RNF31: variants seen among roughly 807,000 people sequenced by gnomAD.
RNF31 encodes the protein E3 ubiquitin-protein ligase RNF31.
In RNF31, 38 loss-of-function variants were observed where a neutral mutation model predicts 133.6. The observed-to-expected ratio is 0.28, with a 90% CI of 0.22 to 0.37. RNF31 has a LOEUF of 0.37. RNF31 is among the 10% of genes least tolerant of loss of function. The probability of loss-of-function intolerance (pLI) is 1.00; values close to 1 mark genes in which losing one functional copy is unlikely to be tolerated. For missense variants in RNF31, 1,118 were observed against 1,394.1 expected (o/e 0.80, Z 3.15); for synonymous variants, 582 against 552.3 (o/e 1.05, Z -0.75).
chr14:24,157,710 G>A (rs981724524), intron 16 of RNF31, 72 bp downstream of exon 16: 5 of 1,347,062 alleles, frequency 3.7e-6, no homozygotes, highest in Non-Finnish European at 5.3e-6. Flanking sequence ...AGAGGCTATT[G>A]AGGAGTGGCC....
At position 24,148,086 on chromosome 14, in the gene RNF31, T is replaced by C. The variant is rs764621125; in HGVS notation, c.303T>C (p.Asn101=). Residue 101 remains asparagine, a synonymous_variant, in exon 2 of 21, where the codon AAT becomes AAC. Coordinates refer to ENST00000324103, the MANE Select transcript of RNF31 (RefSeq NM_017999.5). ...RPRYWRGVKF[N]NPVFRSTVDA... is the part of the protein sequence containing the mutation. The stretch of plus-strand genomic sequence containing the variant: ...GGTACTGGCGTGGTGTCAAGTTTAA[T>C]AACCCTGTCTTTCGCAGCACGGTGG... 6.2e-7 allele frequency: 1 copy of C among 1,614,246 alleles called. No individual in the cohort carries two copies. The highest frequency in any genetic ancestry group is 1.1e-5 in the South Asian group (1 of 91,088).
chr14:24,150,468 C>T lies in RNF31; in HGVS notation c.1197+20C>T. The T allele has an allele frequency of 6.3e-7, 1 of 1,596,928 alleles. No homozygotes were observed. Among genetic ancestry groups the T allele is most frequent in the Non-Finnish European group, 8.6e-7 (1 of 1,168,980 alleles). The stretch of plus-strand genomic sequence containing the variant: ...CTTCAGGTAACTGGCCTTCCCAGCT[C>T]TTTATCGTGTGTTACCTCAGGCATT... On this transcript the variant is annotated intron_variant, in intron 7 of 20. Transcript: ENST00000324103.
chr14:24,157,368 C>T lies in RNF31; in HGVS notation c.2572C>T (p.Gln858Ter). The stretch of plus-strand genomic sequence containing the variant: ...CATGAACGACCCAGAATACCAGGCC[C>T]AGGGCCTAGCAATGTATCTTCAGGA... ...KRMNDPEYQAQGLAMYLQENG... is the reference protein window; with the variant it reads ...KRMNDPEYQA The change falls in exon 15 of 21, where the codon CAG (glutamine) becomes TAG (stop). Residue 858 changes from glutamine (Q) to a stop codon, truncating the protein, a stop_gained. Coordinates refer to ENST00000324103, the MANE Select transcript of RNF31 (RefSeq NM_017999.5). LOFTEE classifies it high-confidence loss of function. The T allele has an allele frequency of 6.2e-7, 1 of 1,611,976 alleles. No individual in the cohort carries two copies. The highest frequency in any genetic ancestry group is 8.5e-7 in the Non-Finnish European group (1 of 1,178,270).
rs1336817943 is a variant in RNF31 at position 24,147,592 on chromosome 14, G to C, written c.-107G>C. 6.8e-6 allele frequency: 7 copies of C among 1,026,402 alleles called. No homozygotes were observed. Among genetic ancestry groups the C allele is most frequent in the African/African-American group, 3.4e-5 (2 of 58,616 alleles). 63.6% of individuals were successfully genotyped at this position (1,026,402 alleles called of 1,614,324 possible). On this transcript the variant is annotated 5_prime_UTR_variant, in exon 1 of 21. Transcript: ENST00000324103. Reference sequence around the variant, plus strand: ...ACCTGGGGCGGCTGCGTGGGCCGGGGTGGGCCTCAAAGCCGGGCACCAGAC... The same window carrying C: ...ACCTGGGGCGGCTGCGTGGGCCGGGCTGGGCCTCAAAGCCGGGCACCAGAC...
At position 24,158,162 on chromosome 14, in the gene RNF31, TA is replaced by T; in HGVS notation, c.2863del (p.Thr955GlnfsTer17). On this transcript the variant is annotated frameshift_variant, in exon 18 of 21. Coordinates refer to ENST00000324103, the MANE Select transcript of RNF31 (RefSeq NM_017999.5). LOFTEE classifies it high-confidence loss of function. ...LLQDNNVMFNTEPPAGARAVP... is the reference protein window; with the variant it reads ...LLQDNNVMFNXEPPAGARAVP... ...CTCAGGACAATAACGTCATGTTTAA[TA>T]CAGAGCCTCCAGCTGGGGCCCGGGC... The T allele has an allele frequency of 6.2e-7, 1 of 1,614,226 alleles. No individual in the cohort carries two copies.
intron 14 of RNF31, among the ~76,000 whole-genome samples, chr14:24,156,065 T>C (rs1041657750): frequency 6.6e-6 from 1 of 152,126 alleles, no homozygotes; most frequent in African/African-American, 2.4e-5. Flanking sequence ...GGCCTAAACA[T>C]TAAAAAGAAG....
In RNF31 at chr14:24,151,371, C is replaced by G. The variant is rs755821957; in HGVS notation, c.1729C>G (p.Arg577Gly). The G allele has an allele frequency of 6.2e-7, 1 of 1,613,976 alleles. No individual in the cohort carries two copies. The highest frequency in any genetic ancestry group is 8.5e-7 in the Non-Finnish European group (1 of 1,180,018). Residue 577 changes from arginine to glycine, a missense_variant, in exon 9 of 21, where the codon CGA (arginine) becomes GGA (glycine). Physicochemically the swap from Arg to Gly is moderately radical, Grantham distance 125. Around this residue, in one of 3 missense-constraint regions of RNF31, gnomAD observed 747 missense variants for 827.9 expected, o/e 0.90. Transcript: ENST00000324103. This position sits in a 1 kb window ranked among gnomAD's most constrained non-coding sequence, Gnocchi z 5.3. ...EAVEECVRTR[R>G]RKVQELQSLG... The stretch of plus-strand genomic sequence containing the variant: ...TGTGGAGGAGTGTGTGAGGACCAGG[C>G]GAAGGAAGGTATCAGCTGTGCTGGA...
At position 24,147,801 on chromosome 14, in the gene RNF31, C is replaced by G. The variant is rs760909328; in HGVS notation, c.103C>G (p.Arg35Gly). 1.3e-6 allele frequency: 2 copies of G among 1,597,570 alleles called. No homozygotes were observed. Among genetic ancestry groups the G allele is most frequent in the Admixed American group, 1.7e-5 (1 of 57,794 alleles). The change falls in exon 1 of 21, where the codon CGG becomes GGG. Residue 35 changes from arginine to glycine, a missense_variant. Physicochemically the swap from Arg to Gly is moderately radical, Grantham distance 125 (BLOSUM62 -2). This residue lies in a region of RNF31 where 747 missense variants were observed against 827.9 expected (regional missense o/e 0.90). Transcript: ENST00000324103. Reference protein sequence around the residue: ...SGQAFSLEQLRPLLASSLPLA... With the variant: ...SGQAFSLEQLGPLLASSLPLA... ...GCAGGCGTTTTCCCTGGAGCAGCTC[C>G]GGCCGCTACTAGCCAGCTCTCTGCC...
At position 24,148,806 on chromosome 14, in the gene RNF31, G is replaced by A. The variant is rs1031920493; in HGVS notation, c.561G>A (p.Leu187=). ...LLEDKVEDDM[L]QLSEFDPLLR... The stretch of plus-strand genomic sequence containing the variant: ...CCCTGCCCTTTCTTTTTCAGATGCT[G>A]CAGCTTTCAGAATTTGACCCCCTAT... The change falls in exon 5 of 21, where the codon CTG becomes CTA. Residue 187 remains leucine, a synonymous_variant. Coordinates refer to ENST00000324103, the MANE Select transcript of RNF31 (RefSeq NM_017999.5). 6.2e-6 allele frequency: 10 copies of A among 1,614,146 alleles called. No homozygotes were observed. The highest frequency in any genetic ancestry group is 8.5e-6 in the Non-Finnish European group (10 of 1,180,026).
rs201544567 is a variant in RNF31 at position 24,151,816 on chromosome 14, G to A, written c.1954G>A (p.Ala652Thr). The change falls in exon 11 of 21, where the codon GCA becomes ACA. Residue 652 changes from alanine (A) to threonine (T), a missense_variant. Around this residue, in one of 3 missense-constraint regions of RNF31, gnomAD observed 201 missense variants for 371.7 expected, o/e 0.54. Transcript: ENST00000324103. This position sits in a 1 kb window ranked among gnomAD's most constrained non-coding sequence, Gnocchi z 5.3. ...SLVRRLLAVY[A>T]LPSWGRAELA... is the part of the protein sequence containing the mutation. Reference sequence around the variant, plus strand: ...GGTCAGGCGGCTTTTGGCAGTCTACGCACTCCCCAGCTGGGGCCGGGCAGA... The same window carrying A: ...GGTCAGGCGGCTTTTGGCAGTCTACACACTCCCCAGCTGGGGCCGGGCAGA... 5.5e-5 allele frequency: 88 copies of A among 1,613,036 alleles called. No homozygotes were observed. Among genetic ancestry groups the A allele is most frequent in the Middle Eastern group, 1.6e-4 (1 of 6,074 alleles).
Position 24,148,673 on chromosome 14 carries a change from AGCT to A in RNF31, c.529_531del (p.Leu178del). Reference sequence around the variant, plus strand: ...CATCCAAGACAGCAGGCACTGGAGCAGCTGTTGGAAGACAAGGTTGAAGATGAT... The same window carrying A: ...CATCCAAGACAGCAGGCACTGGAGCAGTTGGAAGACAAGGTTGAAGATGAT... On this transcript the variant is annotated inframe_deletion, in exon 4 of 21. Coordinates refer to ENST00000324103, the MANE Select transcript of RNF31 (RefSeq NM_017999.5). 6.2e-7 allele frequency: 1 copy of A among 1,614,228 alleles called. No homozygotes were observed. The highest frequency in any genetic ancestry group is 8.5e-7 in the Non-Finnish European group (1 of 1,180,038).
intron 5 of RNF31, 63 bp from the exon 6 acceptor site, chr14:24,149,343 A>C: frequency 1.3e-6 from 2 of 1,513,844 alleles, no homozygotes; most frequent in Non-Finnish European, 1.8e-6. Context: ...GCCCCCATCC[A>C]CAGCAGATTC....
chr14:24,157,289 G>A lies in RNF31; in HGVS notation c.2494-1G>A. ...TGTGAAGCCTACTTTCCCTCTGGCA[G>A]TGGGAGGAGCAGCACCGAGGTCGGA... On this transcript the variant is annotated splice_acceptor_variant, in intron 14 of 20. Coordinates refer to ENST00000324103, the MANE Select transcript of RNF31 (RefSeq NM_017999.5). LOFTEE classifies it high-confidence loss of function. 6.3e-7 allele frequency: 1 copy of A among 1,599,388 alleles called. No homozygotes were observed. The highest frequency in any genetic ancestry group is 8.5e-7 in the Non-Finnish European group (1 of 1,170,122).
In RNF31 at chr14:24,150,083, C is replaced by T. The variant is rs772700984; in HGVS notation, c.832C>T (p.Arg278Trp). Residue 278 changes from arginine (R) to tryptophan (W), a missense_variant, in exon 7 of 21, where the codon CGG becomes TGG. By Grantham distance (101) the Arg-to-Trp change is moderately radical. Transcript: ENST00000324103. ...CAGTTTACCTGCCTCAGCCCAACCA[C>T]GGCCCCAGTCGACCTCCCTGCTGGC... ...SPSLPASAQP[R>W]PQSTSLLALG... 34 of 1,590,136 alleles carry T rather than the reference C, an allele frequency of 2.1e-5. No homozygotes were observed. The highest frequency in any genetic ancestry group is 1.5e-4 in the Admixed American group (9 of 58,972).
At chr14:24,159,333 CA>C (rs2038403585) in intron 18 of RNF31, among the ~76,000 whole-genome samples, 1 of 111,502 alleles carries the variant, frequency 9.0e-6, no homozygotes, top group Non-Finnish European at 1.7e-5. Flanking sequence ...GCCTGGGCAA[CA>C]AGAGTGAAAC....
At position 24,147,611 on chromosome 14, in the gene RNF31, A is replaced by T; in HGVS notation, c.-88A>T. On this transcript the variant is annotated 5_prime_UTR_variant, in exon 1 of 21. Coordinates refer to ENST00000324103, the MANE Select transcript of RNF31 (RefSeq NM_017999.5). ...GCCGGGGTGGGCCTCAAAGCCGGGCACCAGACGGGAGGGGCGGCGCTCGGG... is the reference window on the plus strand; with the variant it reads ...GCCGGGGTGGGCCTCAAAGCCGGGCTCCAGACGGGAGGGGCGGCGCTCGGG... The T allele has an allele frequency of 4.9e-6, 6 of 1,229,350 alleles. No individual in the cohort carries two copies. Among genetic ancestry groups the T allele is most frequent in the Non-Finnish European group, 5.3e-6 (5 of 948,772 alleles). 76.2% of individuals were successfully genotyped at this position (1,229,350 alleles called of 1,614,324 possible). A position where few individuals can be genotyped will look rare whatever the true frequency, so the allele number is the denominator to read the frequency against.
At chr14:24,156,605 C>T (rs923214309) in intron 14 of RNF31, among the ~76,000 whole-genome samples, 5 of 151,976 alleles carry the variant, frequency 3.3e-5, no homozygotes, top group African/African-American at 4.8e-5. Context: ...ATGGTGAAAC[C>T]CCGTCTCTAC....
At position 24,151,704 on chromosome 14, in the gene RNF31, C is replaced by T. The variant is rs1310196871; in HGVS notation, c.1923+34C>T. ...AGGAGGCAAGAAGCCCAAGGGTCCA[C>T]CTAGAGGAGCAAGAGGGAGCTGAGG... On this transcript the variant is annotated intron_variant, in intron 10 of 20. Coordinates refer to ENST00000324103, the MANE Select transcript of RNF31 (RefSeq NM_017999.5). This position sits in a 1 kb window ranked among gnomAD's most constrained non-coding sequence, Gnocchi z 5.3. The T allele has an allele frequency of 6.2e-7, 1 of 1,606,450 alleles. No individual in the cohort carries two copies.
Position 24,147,653 on chromosome 14 carries a change from C to G in RNF31, c.-46C>G, listed in dbSNP as rs2038188948. 2.2e-6 allele frequency: 3 copies of G among 1,361,630 alleles called. 1 individual carries two copies. The African/African-American group carries it at 4.6e-5, about 21-fold the overall frequency. The allele number at this position is 1,361,630 out of a possible 1,614,324, so 84.3% of individuals were successfully genotyped here. On this transcript the variant is annotated 5_prime_UTR_variant, in exon 1 of 21. Transcript: ENST00000324103. ...GCGCTCGGGCCGCGCGCTGCCCGCG[C>G]CGGGTCCTGGCGGGCGGCGAGGCTG...
Sources: allele counts gnomAD v4.1 joint callset (sites outside exome capture counted in the v4.1 genomes callset), GRCh38; gene constraint gnomAD v4.1.1; regional missense constraint gnomAD v4.1.1; non-coding constraint Gnocchi (gnomAD v3.1); transcripts MANE v1.5; gene names NCBI Gene and HGNC (gene_info 2026-07-23, HGNC 2026-07-21).